The following MYO9B variants were observed in gnomAD, a reference collection of about 807,000 sequenced individuals.
MYO9B encodes unconventional myosin-IXb.
A neutral mutation model predicts 229.5 loss-of-function variants in MYO9B; 71 were observed. That is an observed-to-expected ratio of 0.31 (90% CI 0.26 to 0.38). MYO9B has a LOEUF of 0.38. Among genes scored for constraint, MYO9B ranks in the 10% least tolerant of loss-of-function variants. The probability of loss-of-function intolerance (pLI) is 1.00; values close to 1 mark genes in which losing one functional copy is unlikely to be tolerated. For missense variants in MYO9B, 2,255 were observed against 2,920.5 expected (o/e 0.77, Z 5.25); for synonymous variants, 1,185 against 1,235.8 (o/e 0.96, Z 0.86).
chr19:17,127,300 G>A (rs900551417), intron 2 of MYO9B, among the ~76,000 whole-genome samples: 1 of 145,244 alleles, frequency 6.9e-6, no homozygotes, highest in African/African-American at 2.6e-5. Flanking sequence ...CACCATGCCC[G>A]GCCAATTTTT....
chr19:17,208,983 G>C (rs551543110), intron 35 of MYO9B, among the ~76,000 whole-genome samples: 2 of 151,350 alleles, frequency 1.3e-5, no homozygotes, highest in African/African-American at 4.9e-5. Flanking sequence ...AACACTCCGG[G>C]CTGAGTCCCT....
At chr19:17,114,924 C>CTTT (rs139596465) in intron 2 of MYO9B, among the ~76,000 whole-genome samples, 2 of 137,654 alleles carry the variant, frequency 1.5e-5, no homozygotes, top group South Asian at 2.3e-4. Flanking sequence ...TGCTTTTCCC[C>CTTT]TTTTTTTTTT....
At chr19:17,152,208 A>T (rs2072485573) in intron 3 of MYO9B, among the ~76,000 whole-genome samples, 1 of 151,582 alleles carries the variant, frequency 6.6e-6, no homozygotes, top group Admixed American at 6.6e-5. Context: ...AAAACCCACA[A>T]GGACATACCA....
Position 17,192,852 on chromosome 19 carries a change from G to A in MYO9B, c.2918G>A (p.Arg973His), listed in dbSNP as rs368626861. ...AGCTGGTTCCGGATGGTGCTGGAGCGTCGGCACTTCCTGCAGATGAAGCGG... is the reference window on the plus strand; with the variant it reads ...AGCTGGTTCCGGATGGTGCTGGAGCATCGGCACTTCCTGCAGATGAAGCGG... Reference protein sequence around the residue: ...LQSWFRMVLERRHFLQMKRAA... With the variant: ...LQSWFRMVLEHRHFLQMKRAA... Residue 973 changes from arginine (R) to histidine (H), a missense_variant, in exon 21 of 40, where the codon CGT becomes CAT. Physicochemically the swap from Arg to His is conservative, Grantham distance 29 (BLOSUM62 0). Coordinates refer to ENST00000682292, the MANE Select transcript of MYO9B (RefSeq NM_004145.4). The A allele has an allele frequency of 2.8e-5, 43 of 1,551,730 alleles. No individual in the cohort carries two copies. Among genetic ancestry groups the A allele is most frequent in the East Asian group, 4.9e-5 (2 of 40,998 alleles).
In MYO9B at chr19:17,195,239, C is replaced by T; in HGVS notation, c.3812C>T (p.Thr1271Ile). ...CCGGCCCCTGGCAGCGCCCCCGAGA[C>T]CCCCGAGGACAAGAGCAAACCATGT... ...SPPAPGSAPETPEDKSKPCGS... is the reference protein window; with the variant it reads ...SPPAPGSAPEIPEDKSKPCGS... Residue 1271 changes from threonine (T) to isoleucine (I), a missense_variant, in exon 22 of 40, where the codon ACC becomes ATC. Physicochemically the swap from Thr to Ile is moderately conservative, Grantham distance 89 (BLOSUM62 -1). Around this residue, in one of 7 missense-constraint regions of MYO9B, gnomAD observed 679 missense variants for 770.2 expected, o/e 0.88. Transcript: ENST00000682292. This position sits in a 1 kb window ranked among gnomAD's most constrained non-coding sequence, Gnocchi z 4.5. 6.2e-7 allele frequency: 1 copy of T among 1,612,098 alleles called. No homozygotes were observed. The highest frequency in any genetic ancestry group is 8.5e-7 in the Non-Finnish European group (1 of 1,179,486).
At chr19:17,194,202 G>A (rs1599413321) in intron 21 of MYO9B, among the ~76,000 whole-genome samples, 1 of 108,192 alleles carries the variant, frequency 9.2e-6, no homozygotes, top group Non-Finnish European at 2.0e-5. Context: ...TAAAATAAAA[G>A]CAAAACAAAA....
chr19:17,107,261 G>GTGAA (rs1000155381), intron 2 of MYO9B, among the ~76,000 whole-genome samples: 1 of 152,088 alleles, frequency 6.6e-6, no homozygotes, highest in African/African-American at 2.4e-5. Context: ...AATTTAGTAG[G>GTGAA]TGAATGAATG....
Position 17,211,929 on chromosome 19 carries a change from G to GGCCCCCCCCCCCC in MYO9B, c.6093_6094insGCCCCCCCCCCCC (p.Pro2032AlafsTer172). The GGCCCCCCCCCCCC allele has an allele frequency of 1.3e-6, 2 of 1,552,374 alleles. No individual in the cohort carries two copies. Among genetic ancestry groups the GGCCCCCCCCCCCC allele is most frequent in the Non-Finnish European group, 1.7e-6 (2 of 1,147,710 alleles). ...CGCCTGCTCTCCCTTGCCCCGGCGC[G>GGCCCCCCCCCCCC]CCCACCCCGAGCCCCCTCCCCACCG... On this transcript the variant is annotated frameshift_variant, in exon 40 of 40. Transcript: ENST00000682292. LOFTEE classifies it low-confidence loss of function (END_TRUNC).
rs572594637 is a variant in MYO9B, at chr19:17,158,584, G to A, written c.1330-811G>A. Among the ~76,000 whole-genome samples the A allele has an allele frequency of 3.3e-5, 5 of 150,246 alleles. No homozygotes were observed. The South Asian group carries it at 1.0e-3, about 31-fold the overall frequency. ...CACTCCAGCCTGAGCAACAGAGCAAGACTCCATCTAAAAAAAAAAAAAAGG... is the reference window on the plus strand; with the variant it reads ...CACTCCAGCCTGAGCAACAGAGCAAAACTCCATCTAAAAAAAAAAAAAAGG... On this transcript the variant is annotated intron_variant, in intron 7 of 39. Coordinates refer to ENST00000682292, the MANE Select transcript of MYO9B (RefSeq NM_004145.4).
At chr19:17,165,247 A>G (rs115417393) in intron 10 of MYO9B, among the ~76,000 whole-genome samples, 4,694 of 151,888 alleles carry the variant, frequency 0.031, 258 homozygotes, top group African/African-American at 0.11. Context: ...TGTAGTCCCA[A>G]CTACTGAGGA....
At chr19:17,131,130 A>AC (rs908180619) in intron 2 of MYO9B, among the ~76,000 whole-genome samples, 1 of 151,642 alleles carries the variant, frequency 6.6e-6, no homozygotes, top group Non-Finnish European at 1.5e-5. Context: ...CCATCCACTG[A>AC]CCCCCACCCT....
chr19:17,104,011 G>A (rs1404922732), intron 2 of MYO9B, among the ~76,000 whole-genome samples: 2 of 149,078 alleles, frequency 1.3e-5, no homozygotes, highest in Non-Finnish European at 3.0e-5. Context: ...AGCCAAGATC[G>A]CTTCACTGCA....
Position 17,157,043 on chromosome 19 carries a change from T to C in MYO9B, c.1329+5T>C. The C allele has an allele frequency of 6.2e-7, 1 of 1,612,762 alleles. No homozygotes were observed. Among genetic ancestry groups the C allele is most frequent in the East Asian group, 2.2e-5 (1 of 44,870 alleles). ...ACCCTGTCGCAGCTTCTGAAGGTAC[T>C]GATTGCCACCTCTGTCCCTTCTCAG... On this transcript the variant is annotated splice_donor_5th_base_variant and intron_variant, in intron 7 of 39. Coordinates refer to ENST00000682292, the MANE Select transcript of MYO9B (RefSeq NM_004145.4).
chr19:17,198,734 CAAA>C lies in MYO9B; in HGVS notation c.4238+447_4238+449del, dbSNP rs59292415. On this transcript the variant is annotated intron_variant, in intron 24 of 39. Coordinates refer to ENST00000682292, the MANE Select transcript of MYO9B (RefSeq NM_004145.4). ...TGGGTGACAGAGGGAGACTCCGTCTCAAAAAAAAAAAAAAAAAAAAAAAGCCTC... is the reference window on the plus strand; with the variant it reads ...TGGGTGACAGAGGGAGACTCCGTCTCAAAAAAAAAAAAAAAAAAAAGCCTC... 2.2e-4 allele frequency among the ~76,000 whole-genome samples: 9 copies of C among 41,208 alleles called. No homozygotes were observed. The South Asian group carries it at 4.6e-3, about 21-fold the overall frequency. 27.0% of individuals were successfully genotyped at this position (41,208 alleles called of 152,430 possible). A position where few individuals can be genotyped will look rare whatever the true frequency, so the allele number is the denominator to read the frequency against.
At chr19:17,185,070 G>C in intron 17 of MYO9B, 83 bp downstream of exon 17, 1 of 1,587,984 alleles carries the variant, frequency 6.3e-7, no homozygotes, top group East Asian at 2.3e-5. Flanking sequence ...AGCACAGCCC[G>C]TCTCTAGTAA....
chr19:17,128,612 G>A (rs954616212), intron 2 of MYO9B, among the ~76,000 whole-genome samples: 5 of 152,222 alleles, frequency 3.3e-5, no homozygotes, highest in African/African-American at 1.2e-4. Context: ...TGTGGCCTCC[G>A]CCTACCGGCT....
intron 1 of MYO9B, among the ~76,000 whole-genome samples, chr19:17,089,685 T>C (rs746828647): frequency 2.6e-4 from 40 of 152,144 alleles, no homozygotes; most frequent in Admixed American, 4.6e-4. Context: ...TGAATTGAGA[T>C]TGGCATTTTT....
At chr19:17,157,187 TC>T in intron 7 of MYO9B, 149 bp downstream of exon 7, 1 of 984,072 alleles carries the variant, frequency 1.0e-6, no homozygotes, top group Non-Finnish European at 1.4e-6. Flanking sequence ...TCTACAGTGT[TC>T]CTTCCTCATT....
At chr19:17,151,796 G>A (rs1022637836) in intron 3 of MYO9B, among the ~76,000 whole-genome samples, 4 of 152,132 alleles carry the variant, frequency 2.6e-5, no homozygotes, top group African/African-American at 9.7e-5. Context: ...CACTCGGGAG[G>A]TTGAGGTGGG....
Sources: gnomAD v4.1 joint callset for allele counts (sites outside exome capture counted in the v4.1 genomes callset) on GRCh38, gnomAD v4.1.1 for gene constraint, gnomAD v4.1.1 regional missense constraint, Gnocchi (gnomAD v3.1) non-coding constraint, MANE v1.5 for transcripts, NCBI Gene and HGNC (gene_info 2026-07-23, HGNC 2026-07-21) for gene names.